The following LPA variants were observed in gnomAD, a reference collection of about 807,000 sequenced individuals.
LPA encodes lipoprotein(a), also known as apolipoprotein(a).
A neutral mutation model predicts 197.9 loss-of-function variants in LPA; 199 were observed. The observed-to-expected ratio is 1.01, with a 90% confidence interval of 0.90 to 1.13. The LOEUF (loss-of-function observed/expected upper bound fraction) is 1.13. Ranked by LOEUF, LPA falls within the 50% of genes most tolerant of loss-of-function variation. LPA has a pLI of 0.00. For synonymous variants in LPA, 715 were observed against 639.5 expected, an observed-to-expected ratio of 1.12 and a Z score of -1.78; for missense variants, 1,853 against 1,785.8, an observed-to-expected ratio of 1.04 and a Z score of -0.68.
rs41272100 is a variant in LPA, at chr6:160,586,964, T to C, written c.3948-334A>G. On this transcript the variant is annotated intron_variant, in intron 24 of 38. Transcript: ENST00000316300. Reference sequence around the variant, plus strand: ...GGATTAACCGAGAGGGATTTTGAAGTGTGTCTTGGAGATTGTTTCACGTAC... The same window carrying C: ...GGATTAACCGAGAGGGATTTTGAAGCGTGTCTTGGAGATTGTTTCACGTAC... Among the ~76,000 whole-genome samples the C allele has an allele frequency of 2.3e-3, 352 of 152,336 alleles. 1 individual carries two copies. The highest frequency in any genetic ancestry group is 8.0e-3 in the African/African-American group (332 of 41,588).
chr6:160,600,983 C>T lies in LPA; in HGVS notation c.3061G>A (p.Glu1021Lys). The T allele has an allele frequency of 5.6e-6, 9 of 1,614,052 alleles. No homozygotes were observed. The highest frequency in any genetic ancestry group is 6.8e-6 in the Non-Finnish European group (8 of 1,179,982). Residue 1021 changes from glutamate (E) to lysine (K), a missense_variant, in exon 19 of 39, where the codon GAA (glutamate) becomes AAA (lysine). Glu to Lys is a moderately conservative substitution (Grantham distance 56). Transcript: ENST00000316300. ...YCNLTRCSDAEWTAFVPPNVI... is the reference protein window; with the variant it reads ...YCNLTRCSDAKWTAFVPPNVI... The stretch of plus-strand genomic sequence containing the variant: ...TTCGGAGGGACGAAGGCAGTCCATT[C>T]TGCATCTGAGCATCGTGTCAGGTTG...
At chr6:160,598,338 GC>G (rs1779171896) in intron 20 of LPA, among the ~76,000 whole-genome samples, 2 of 152,234 alleles carry the variant, frequency 1.3e-5, no homozygotes, top group South Asian at 4.2e-4. Context: ...TCTTAGCATG[GC>G]TAGAAAATCC....
At position 160,545,450 on chromosome 6, in the gene LPA, G is replaced by A; in HGVS notation, c.5388C>T (p.Ile1796=). The A allele has an allele frequency of 6.2e-7, 1 of 1,601,018 alleles. No individual in the cohort carries two copies. The highest frequency in any genetic ancestry group is 1.3e-5 in the African/African-American group (1 of 74,652). ...CAGAAGGCAACTTACCACAGAGAGG[G>A]ATATCACAGTAGTCAAAAAGTTTTC... ...NPRKLFDYCD[I]PLCASSSFDC... Residue 1796 remains isoleucine, a synonymous_variant, in exon 33 of 39, where the codon ATC becomes ATT. Transcript: ENST00000316300.
chr6:160,606,947 C>T (rs998365644), intron 16 of LPA, among the ~76,000 whole-genome samples: 1 of 152,148 alleles, frequency 6.6e-6, no homozygotes, highest in Non-Finnish European at 1.5e-5. Flanking sequence ...AGAGTATTCT[C>T]CTTCTGCCTT....
Position 160,605,198 on chromosome 6 carries a change from A to C in LPA, c.2793T>G (p.Thr931=). Residue 931 remains threonine, a synonymous_variant, in exon 18 of 39, where the codon ACT becomes ACG. Coordinates refer to ENST00000316300, the MANE Select transcript of LPA (RefSeq NM_005577.4). ...SLEAPSEQAP[T]EQRPGVQECY... is the part of the protein sequence containing the mutation. ...ACTCCTGCACCCCAGGCCTTTGCTC[A>C]GTTGGTGCTGAAATGAAAAGAAAAG... 6.2e-7 allele frequency: 1 copy of C among 1,613,772 alleles called. No homozygotes were observed.
intron 16 of LPA, among the ~76,000 whole-genome samples, chr6:160,607,876 C>G (rs6926896): frequency 0.2 from 31,125 of 151,958 alleles, 3,759 homozygotes; most frequent in East Asian, 0.42. Flanking sequence ...CCTCAGAGTT[C>G]AAAACTTTGT....
intron 7 of LPA, among the ~76,000 whole-genome samples, chr6:160,634,808 C>A (rs1437943365): frequency 6.7e-6 from 1 of 149,136 alleles, no homozygotes; most frequent in Non-Finnish European, 1.5e-5. Context: ...CAGAAAGAAT[C>A]ACACACCTGA....
intron 36 of LPA, among the ~76,000 whole-genome samples, chr6:160,539,251 A>G (rs947631877): frequency 6.6e-6 from 1 of 151,932 alleles, no homozygotes; most frequent in Non-Finnish European, 1.5e-5. Flanking sequence ...CCTGTCCCAA[A>G]CCTGCCTCTC....
At chr6:160,605,025 T>C (rs1779316717) in intron 18 of LPA, 21 bp downstream of exon 18, 1 of 1,612,894 alleles carries the variant, frequency 6.2e-7, no homozygotes, top group South Asian at 1.1e-5. Context: ...CCTTCACTTA[T>C]GGTAAAGAAA....
chr6:160,611,293 T>C (rs923709121), intron 16 of LPA, among the ~76,000 whole-genome samples: 1 of 152,072 alleles, frequency 6.6e-6, no homozygotes, highest in Non-Finnish European at 1.5e-5. Context: ...TCTAAGTGTT[T>C]GGTGGTTCGT....
rs1450115783 is a variant in LPA, at chr6:160,576,380, A to ATGTGTG, written c.4631+755_4631+756insCACACA. On this transcript the variant is annotated intron_variant, in intron 28 of 38. Coordinates refer to ENST00000316300, the MANE Select transcript of LPA (RefSeq NM_005577.4). ...TATATATATATACATATATATATAT[A>ATGTGTG]TATATATATGTATATATATATATAT... Among the ~76,000 whole-genome samples, 4 of 60,376 alleles carry ATGTGTG rather than the reference A, an allele frequency of 6.6e-5. 1 individual carries two copies. Among genetic ancestry groups the ATGTGTG allele is most frequent in the Non-Finnish European group, 1.1e-4 (4 of 36,746 alleles). The allele number at this position is 60,376 out of a possible 152,430, so 39.6% of individuals were successfully genotyped here.
At chr6:160,568,519 T>C (rs111978755) in intron 28 of LPA, among the ~76,000 whole-genome samples, 1 of 152,142 alleles carries the variant, frequency 6.6e-6, no homozygotes, top group Non-Finnish European at 1.5e-5. Flanking sequence ...GACAAACCCA[T>C]AGCCAATATC....
chr6:160,584,170 TTTC>T (rs56164694), intron 26 of LPA, among the ~76,000 whole-genome samples: 5,570 of 103,026 alleles, frequency 0.054, 183 homozygotes, highest in Non-Finnish European at 0.072. Context: ...TCATTTCTAT[TTTC>T]TTCTTCTTCT....
intron 32 of LPA, among the ~76,000 whole-genome samples, chr6:160,546,627 G>T (rs986523366): frequency 3.3e-5 from 5 of 152,178 alleles, no homozygotes; most frequent in Non-Finnish European, 5.9e-5. Flanking sequence ...CAGTGGGGCA[G>T]TCTTGTAGGA....
At chr6:160,546,327 G>T (rs1395440868) in intron 32 of LPA, among the ~76,000 whole-genome samples, 1 of 152,184 alleles carries the variant, frequency 6.6e-6, no homozygotes, top group Non-Finnish European at 1.5e-5. Flanking sequence ...AGAGCTTCTG[G>T]GTTGCTGAAC....
At position 160,594,058 on chromosome 6, in the gene LPA, G is replaced by C. The variant is rs1353704684; in HGVS notation, c.3529C>G (p.Arg1177Gly). ...GTGACAGTGGTAGAGAATGAGCCTCGATAACTCTGTCCATCACCATGGTAG... is the reference window on the plus strand; with the variant it reads ...GTGACAGTGGTAGAGAATGAGCCTCCATAACTCTGTCCATCACCATGGTAG... ...DCYHGDGQSYRGSFSTTVTGR... is the reference protein window; with the variant it reads ...DCYHGDGQSYGGSFSTTVTGR... The change falls in exon 22 of 39, where the codon CGA (arginine) becomes GGA (glycine). Residue 1177 changes from arginine to glycine, a missense_variant. Coordinates refer to ENST00000316300, the MANE Select transcript of LPA (RefSeq NM_005577.4). 3.1e-6 allele frequency: 5 copies of C among 1,613,854 alleles called. No homozygotes were observed. The African/African-American group carries it at 5.3e-5, about 17-fold the overall frequency.
intron 37 of LPA, 88 bp downstream of exon 37, chr6:160,537,767 T>A: frequency 1.6e-6 from 2 of 1,247,116 alleles, no homozygotes; most frequent in South Asian, 2.6e-5. Context: ...GGGTAGGAAT[T>A]TGTACAACTA....
rs766239484 is a variant in LPA at position 160,611,620 on chromosome 6, C to T, written c.2545G>A (p.Ala849Thr). The change falls in exon 16 of 39, where the codon GCT becomes ACT. Residue 849 changes from alanine to threonine, a missense_variant. Transcript: ENST00000316300. ...GAGTGTGGTGTCATAGATGACCAAG[C>T]TTGGCAGGTTCTTCCAGTGACAGTG... The part of the protein sequence containing the change: ...STTVTGRTCQ[A>T]WSSMTPHSHS... The T allele has an allele frequency of 5.6e-6, 9 of 1,597,694 alleles. No homozygotes were observed. Among genetic ancestry groups the T allele is most frequent in the Non-Finnish European group, 7.6e-6 (9 of 1,176,734 alleles).
intron 2 of LPA, 150 bp downstream of exon 2, chr6:160,650,188 T>G: frequency 1.3e-6 from 1 of 749,244 alleles, no homozygotes; most frequent in Non-Finnish European, 2.3e-6. Flanking sequence ...TCTATCATAC[T>G]CTTTGCTCAA....
Sources: allele counts gnomAD v4.1 joint callset (sites outside exome capture counted in the v4.1 genomes callset), GRCh38; gene constraint gnomAD v4.1.1; transcripts MANE v1.5; gene names NCBI Gene and HGNC (gene_info 2026-07-23, HGNC 2026-07-21).